The following PTPRM variants were observed in gnomAD, a reference collection of about 807,000 sequenced individuals.
The protein encoded by PTPRM is receptor-type tyrosine-protein phosphatase mu.
Under a neutral mutation model 186.7 loss-of-function variants are expected in PTPRM, and 47 were observed. That is an observed-to-expected ratio of 0.25 (90% CI 0.20 to 0.32). The LOEUF (loss-of-function observed/expected upper bound fraction) is 0.32. Ranked by LOEUF, PTPRM falls within the 10% of genes least tolerant of loss-of-function variation. The pLI is 1.00. For synonymous variants in PTPRM, 668 were observed against 674.9 expected, an observed-to-expected ratio of 0.99 and a Z score of 0.16; for missense variants, 1,494 against 1,865.0, an observed-to-expected ratio of 0.80 and a Z score of 3.66.
At chr18:8,129,784 A>G (rs770028294) in intron 13 of PTPRM, among the ~76,000 whole-genome samples, 3 of 152,218 alleles carry the variant, frequency 2.0e-5, no homozygotes, top group African/African-American at 4.8e-5. Flanking sequence ...AGAGGAGGCA[A>G]CAGATCAAGA....
At chr18:7,579,895 A>ATT (rs892986501) in intron 1 of PTPRM, among the ~76,000 whole-genome samples, 5 of 152,314 alleles carry the variant, frequency 3.3e-5, no homozygotes, top group African/African-American at 1.2e-4. Flanking sequence ...TGGTGCTTTG[A>ATT]TTGCAGTAGT....
Position 7,803,880 on chromosome 18 carries a change from C to G in PTPRM, c.196+29609C>G, listed in dbSNP as rs560573163. ...AACTTAGAATTATCGGAGCTTAACC[C>G]GAAATCTGAGATAGTAAAGAAAAAA... On this transcript the variant is annotated intron_variant, in intron 2 of 32. Coordinates refer to ENST00000580170, the MANE Select transcript of PTPRM (RefSeq NM_001105244.2). 2.0e-5 allele frequency among the ~76,000 whole-genome samples: 3 copies of G among 151,754 alleles called. 1 individual carries two copies. In the South Asian group the frequency reaches 6.2e-4, roughly 32 times the overall value.
At chr18:8,392,752 A>G (rs670305) in intron 31 of PTPRM, among the ~76,000 whole-genome samples, 119,987 of 152,164 alleles carry the variant, frequency 0.79, 47,522 homozygotes, top group African/African-American at 0.86. Context: ...CAGGCTGGGG[A>G]CTTGTCAGAA....
chr18:8,211,236 C>T (rs1309993320), intron 14 of PTPRM, among the ~76,000 whole-genome samples: 1 of 152,068 alleles, frequency 6.6e-6, no homozygotes, highest in Non-Finnish European at 1.5e-5. Context: ...ATTGCTAGGG[C>T]GGCCTCCTGC....
At chr18:7,672,109 A>G (rs1167035392) in intron 1 of PTPRM, among the ~76,000 whole-genome samples, 1 of 152,228 alleles carries the variant, frequency 6.6e-6, no homozygotes, top group Non-Finnish European at 1.5e-5. Context: ...CAAGCTCTTT[A>G]CAAACATTGG....
chr18:8,173,999 G>A lies in PTPRM; in HGVS notation c.2300+30220G>A, dbSNP rs60508844. On this transcript the variant is annotated intron_variant, in intron 14 of 32. Coordinates refer to ENST00000580170, the MANE Select transcript of PTPRM (RefSeq NM_001105244.2). ...GGAGAATCTCTTGACCTGGGAAGCA[G>A]AGGTTGCAGTGAGCTGAGATCACGC... Among the ~76,000 whole-genome samples the A allele has an allele frequency of 8.9e-3, 1,351 of 151,728 alleles. 19 individuals are homozygous for A. The highest frequency in any genetic ancestry group is 0.031 in the African/African-American group (1,298 of 41,308).
chr18:8,399,006 T>C (rs2095858534), intron 32 of PTPRM, among the ~76,000 whole-genome samples: 1 of 152,196 alleles, frequency 6.6e-6, no homozygotes, highest in African/African-American at 2.4e-5. Context: ...TGAAAACCAC[T>C]GAACTGTGTT....
chr18:8,085,632 C>G, intron 9 of PTPRM, 39 bp from the exon 10 acceptor site: 3 of 1,514,312 alleles, frequency 2.0e-6, no homozygotes, highest in Non-Finnish European at 2.8e-6. Context: ...CTGAGTCCAT[C>G]TGCTCCAGAT....
intron 1 of PTPRM, among the ~76,000 whole-genome samples, chr18:7,758,984 AG>A (rs1568088103): frequency 6.6e-6 from 1 of 152,176 alleles, no homozygotes; most frequent in South Asian, 2.1e-4. Flanking sequence ...GTCTGTGATC[AG>A]GGATGTGTTT....
chr18:8,400,147 C>T (rs571391792), intron 32 of PTPRM, among the ~76,000 whole-genome samples: 169 of 152,240 alleles, frequency 1.1e-3, no homozygotes, highest in Non-Finnish European at 2.2e-3. Flanking sequence ...GGAACAGCCC[C>T]GTCCACCATC....
chr18:8,081,170 C>T (rs2090106715), intron 9 of PTPRM, among the ~76,000 whole-genome samples: 1 of 152,100 alleles, frequency 6.6e-6, no homozygotes, highest in South Asian at 2.1e-4. Flanking sequence ...CTTGGTTTCC[C>T]ATGAATCTCT....
chr18:8,311,974 G>A (rs114431716), intron 20 of PTPRM, among the ~76,000 whole-genome samples: 1 of 152,134 alleles, frequency 6.6e-6, no homozygotes, highest in African/African-American at 2.4e-5. Flanking sequence ...ATCTGACGAG[G>A]GGGTACAACA....
chr18:7,888,002 G>A (rs764417631), intron 2 of PTPRM, 104 bp from the exon 3 acceptor site: 1 of 1,333,480 alleles, frequency 7.5e-7, no homozygotes, highest in Non-Finnish European at 1.1e-6. Flanking sequence ...GCCTAAGTAA[G>A]ACATGGAATT....
chr18:8,149,681 C>G (rs2092960426), intron 14 of PTPRM, among the ~76,000 whole-genome samples: 1 of 67,914 alleles, frequency 1.5e-5, no homozygotes, highest in Non-Finnish European at 4.0e-5. Context: ...TGAATTTGAT[C>G]CTGTCATTAT....
At chr18:8,389,045 A>G (rs2095795504) in intron 31 of PTPRM, among the ~76,000 whole-genome samples, 1 of 152,226 alleles carries the variant, frequency 6.6e-6, no homozygotes, top group Non-Finnish European at 1.5e-5. Context: ...ATTTCTCTTC[A>G]ATCCAGATCC....
chr18:7,908,766 G>C (rs1220932816), intron 4 of PTPRM, among the ~76,000 whole-genome samples: 2 of 152,174 alleles, frequency 1.3e-5, no homozygotes, highest in Non-Finnish European at 2.9e-5. Context: ...CATCAAGGCT[G>C]TACCTAATTG....
chr18:7,875,356 C>T (rs1853045336), intron 2 of PTPRM, among the ~76,000 whole-genome samples: 1 of 150,666 alleles, frequency 6.6e-6, no homozygotes, highest in Non-Finnish European at 1.5e-5. Flanking sequence ...AGGAGTCTCC[C>T]TCTATTGCCC....
At chr18:8,297,462 T>A (rs1341427942) in intron 20 of PTPRM, among the ~76,000 whole-genome samples, 1 of 152,202 alleles carries the variant, frequency 6.6e-6, no homozygotes, top group Non-Finnish European at 1.5e-5. Context: ...TTCCTGTGAC[T>A]GCAGAAATGT....
intron 7 of PTPRM, among the ~76,000 whole-genome samples, chr18:8,029,156 C>T (rs2085772373): frequency 6.6e-6 from 1 of 152,178 alleles, no homozygotes; most frequent in Non-Finnish European, 1.5e-5. Context: ...ACCTGCCTGC[C>T]TGGAGTTCCC....
Sources: gnomAD v4.1 joint callset for allele counts (sites outside exome capture counted in the v4.1 genomes callset) on GRCh38, gnomAD v4.1.1 for gene constraint, MANE v1.5 for transcripts, NCBI Gene and HGNC (gene_info 2026-07-23, HGNC 2026-07-21) for gene names.